VWA8: variants seen among roughly 807,000 people sequenced by gnomAD.
VWA8 encodes the protein von Willebrand factor A domain containing 8.
Under a neutral mutation model 241.5 loss-of-function variants are expected in VWA8, and 221 were observed. The observed-to-expected ratio is 0.91, with a 90% CI of 0.82 to 1.02. The LOEUF (loss-of-function observed/expected upper bound fraction) is 1.02, where lower values mean the gene tolerates loss of function less well. VWA8 is among the 50% of genes least tolerant of loss of function. The pLI is 0.00. For synonymous variants in VWA8, 852 were observed against 827.1 expected, an observed-to-expected ratio of 1.03 and a Z score of -0.52; for missense variants, 2,322 against 2,328.7, an observed-to-expected ratio of 1.00 and a Z score of 0.06.
intron 34 of VWA8, among the ~76,000 whole-genome samples, chr13:41,688,183 C>T (rs2045149877): frequency 6.6e-6 from 1 of 152,026 alleles, no homozygotes; most frequent in Non-Finnish European, 1.5e-5. Context: ...GGAAAACATA[C>T]ATCAGAGTCC....
intron 40 of VWA8, among the ~76,000 whole-genome samples, chr13:41,595,840 G>A (rs762181332): frequency 2.2e-4 from 34 of 152,078 alleles, no homozygotes; most frequent in Non-Finnish European, 1.0e-4. Context: ...TGCATATTTC[G>A]TTGTGTGGAA....
chr13:41,608,706 C>T (rs2044568247), intron 39 of VWA8, among the ~76,000 whole-genome samples: 2 of 152,176 alleles, frequency 1.3e-5, no homozygotes, highest in African/African-American at 4.8e-5. Context: ...CTGGTGCCTA[C>T]CCTAGACGCT....
intron 21 of VWA8, among the ~76,000 whole-genome samples, chr13:41,750,808 A>AACCTT (rs2045650338): frequency 6.6e-6 from 1 of 152,120 alleles, no homozygotes; most frequent in Non-Finnish European, 1.5e-5. Flanking sequence ...TTGAGATGGA[A>AACCTT]TCCACTCTAG....
intron 37 of VWA8, among the ~76,000 whole-genome samples, chr13:41,655,803 T>C (rs1474145742): frequency 6.6e-6 from 1 of 152,242 alleles, no homozygotes; most frequent in East Asian, 1.9e-4. Context: ...TAAATAAGTA[T>C]TGAAAATACA....
chr13:41,573,144 G>C (rs930094033), intron 43 of VWA8, among the ~76,000 whole-genome samples: 2 of 149,546 alleles, frequency 1.3e-5, no homozygotes, highest in Non-Finnish European at 3.0e-5. Flanking sequence ...AGCCAGGCAC[G>C]GTGGCTGACG....
chr13:41,884,168 G>A (rs1250353960), intron 8 of VWA8, among the ~76,000 whole-genome samples: 5 of 152,130 alleles, frequency 3.3e-5, no homozygotes, highest in Non-Finnish European at 7.4e-5. Flanking sequence ...GATATGGTTT[G>A]GCTGTGTCCC....
chr13:41,585,618 C>G (rs1464078917), intron 42 of VWA8, among the ~76,000 whole-genome samples: 1 of 152,104 alleles, frequency 6.6e-6, no homozygotes, highest in Non-Finnish European at 1.5e-5. Flanking sequence ...GTAATCCCAG[C>G]ACTTTGGGAG....
At chr13:41,623,818 A>T (rs1322404976) in intron 37 of VWA8, among the ~76,000 whole-genome samples, 1 of 152,222 alleles carries the variant, frequency 6.6e-6, no homozygotes, top group Admixed American at 6.5e-5. Context: ...AGGCTATGAT[A>T]AGGTTCTGAA....
At chr13:41,925,866 G>A in intron 2 of VWA8, 1 of 332,876 alleles carries the variant, frequency 3.0e-6, no homozygotes. Flanking sequence ...GAATGTCAAT[G>A]GGGAACACCC....
At chr13:41,611,145 C>T (rs936246358) in intron 39 of VWA8, among the ~76,000 whole-genome samples, 3 of 152,186 alleles carry the variant, frequency 2.0e-5, no homozygotes, top group Admixed American at 2.0e-4. Flanking sequence ...TCACATCAGC[C>T]CACTAAACTT....
At position 41,872,676 on chromosome 13, in the gene VWA8, T is replaced by G. The variant is rs574225172; in HGVS notation, c.1081-4199A>C. Reference sequence around the variant, plus strand: ...GTTCCATTGATCTATATCTCTGTTTTGGTACCAGTACCATGCTGTTTTGGT... The same window carrying G: ...GTTCCATTGATCTATATCTCTGTTTGGGTACCAGTACCATGCTGTTTTGGT... On this transcript the variant is annotated intron_variant, in intron 9 of 44. Coordinates refer to ENST00000379310, the MANE Select transcript of VWA8 (RefSeq NM_015058.2). Among the ~76,000 whole-genome samples the G allele has an allele frequency of 2.9e-3, 446 of 152,260 alleles. 3 individuals are homozygous for G. Among genetic ancestry groups the G allele is most frequent in the African/African-American group, 0.01 (433 of 41,546 alleles).
intron 14 of VWA8, among the ~76,000 whole-genome samples, chr13:41,830,071 T>C (rs1474993973): frequency 6.6e-6 from 1 of 151,972 alleles, no homozygotes; most frequent in African/African-American, 2.4e-5. Context: ...TGAAACCCTG[T>C]CTCTACTAAA....
Position 41,819,814 on chromosome 13 carries a change from C to T in VWA8, c.1701-428G>A, listed in dbSNP as rs566668163. ...TATGTCAATCAAAAAGACCAAGAGG[C>T]ACAATTCAGGATAAGGAGACTTTAC... On this transcript the variant is annotated intron_variant, in intron 14 of 44. Coordinates refer to ENST00000379310, the MANE Select transcript of VWA8 (RefSeq NM_015058.2). Among the ~76,000 whole-genome samples the T allele has an allele frequency of 2.0e-5, 3 of 152,238 alleles. No homozygotes were observed. In the East Asian group the frequency reaches 5.8e-4, roughly 29 times the overall value.
chr13:41,734,121 C>T (rs1160927254), intron 21 of VWA8, among the ~76,000 whole-genome samples: 5 of 152,090 alleles, frequency 3.3e-5, no homozygotes, highest in South Asian at 2.1e-4. Flanking sequence ...AGGCAGATCA[C>T]GAGGTCAGAA....
At chr13:41,821,558 T>C (rs58622285) in intron 14 of VWA8, among the ~76,000 whole-genome samples, 28,805 of 151,972 alleles carry the variant, frequency 0.19, 3,499 homozygotes, top group East Asian at 0.36. Context: ...TGATAGATAA[T>C]GAAAAAATTA....
chr13:41,619,165 T>C (rs559848931), intron 37 of VWA8, among the ~76,000 whole-genome samples: 1 of 152,344 alleles, frequency 6.6e-6, no homozygotes, highest in Admixed American at 6.5e-5. Flanking sequence ...TTTGTAGTTC[T>C]CCTTGAAGAG....
At position 41,727,182 on chromosome 13, in the gene VWA8, T is replaced by C; in HGVS notation, c.2758+12A>G. ...CTGCTATTGGTATTGTTATTATCATTACTGTTTTTACCTAAGGTACCGAAG... is the reference window on the plus strand; with the variant it reads ...CTGCTATTGGTATTGTTATTATCATCACTGTTTTTACCTAAGGTACCGAAG... On this transcript the variant is annotated intron_variant, in intron 24 of 44. Coordinates refer to ENST00000379310, the MANE Select transcript of VWA8 (RefSeq NM_015058.2). 1 of 1,533,612 alleles carries C rather than the reference T, an allele frequency of 6.5e-7. No homozygotes were observed. Among genetic ancestry groups the C allele is most frequent in the Non-Finnish European group, 8.8e-7 (1 of 1,137,844 alleles).
chr13:41,800,134 TA>T (rs1219841840), intron 17 of VWA8, among the ~76,000 whole-genome samples: 1 of 152,266 alleles, frequency 6.6e-6, no homozygotes, highest in Non-Finnish European at 1.5e-5. Flanking sequence ...TTTTTGTTGC[TA>T]ACATTTCATT....
intron 21 of VWA8, among the ~76,000 whole-genome samples, chr13:41,744,654 A>G (rs1333118817): frequency 1.3e-5 from 2 of 152,116 alleles, no homozygotes; most frequent in Non-Finnish European, 1.5e-5. Context: ...GTTGGGAGGT[A>G]TCTTCGTCAC....
Sources: gnomAD v4.1 joint callset for allele counts (sites outside exome capture counted in the v4.1 genomes callset) on GRCh38, gnomAD v4.1.1 for gene constraint, MANE v1.5 for transcripts, NCBI Gene and HGNC (gene_info 2026-07-23, HGNC 2026-07-21) for gene names.